Variants in FOXN3 observed in about 807,000 individuals in gnomAD.
The protein encoded by FOXN3 is forkhead box protein N3.
Under a neutral mutation model 38.4 loss-of-function variants are expected in FOXN3, and 7 were observed. The observed-to-expected ratio is 0.18, with a 90% CI of 0.10 to 0.34. The LOEUF (loss-of-function observed/expected upper bound fraction) is 0.34, where lower values mean the gene tolerates loss of function less well. Among genes scored for constraint, FOXN3 ranks in the 10% least tolerant of loss-of-function variants. The pLI is 1.00. For synonymous variants in FOXN3, 230 were observed against 242.2 expected, an observed-to-expected ratio of 0.95 and a Z score of 0.47; for missense variants, 456 against 613.4, an observed-to-expected ratio of 0.74 and a Z score of 2.71.
intron 1 of FOXN3, among the ~76,000 whole-genome samples, chr14:89,469,089 T>C (rs1009314210): frequency 4.6e-5 from 7 of 152,204 alleles, no homozygotes; most frequent in African/African-American, 1.7e-4. Context: ...TTTGAACCTC[T>C]TTTATTATGA....
chr14:89,460,284 C>T (rs1419221110), intron 1 of FOXN3, among the ~76,000 whole-genome samples: 1 of 152,102 alleles, frequency 6.6e-6, no homozygotes, highest in Non-Finnish European at 1.5e-5. Context: ...CAATTAAATG[C>T]GAACATTCCT....
chr14:89,253,158 A>G (rs1020682554), intron 4 of FOXN3, among the ~76,000 whole-genome samples: 10 of 152,180 alleles, frequency 6.6e-5, no homozygotes, highest in Non-Finnish European at 1.2e-4. Flanking sequence ...AGGGCTCATT[A>G]AGGCCTGATG....
intron 3 of FOXN3, among the ~76,000 whole-genome samples, chr14:89,287,695 C>T (rs976959714): frequency 1.3e-5 from 2 of 148,898 alleles, no homozygotes; most frequent in African/African-American, 5.0e-5. Context: ...AGTAGCAACA[C>T]TTACTAAATA....
At chr14:89,474,657 T>A (rs1893173505) in intron 1 of FOXN3, among the ~76,000 whole-genome samples, 1 of 152,164 alleles carries the variant, frequency 6.6e-6, no homozygotes, top group African/African-American at 2.4e-5. Context: ...AAATAGCAGC[T>A]TGTTGACATT....
chr14:89,230,733 C>T (rs559558263), intron 4 of FOXN3: 20 of 352,644 alleles, frequency 5.7e-5, no homozygotes, highest in East Asian at 1.5e-4. Flanking sequence ...ACACGACAGG[C>T]GCCACACACT....
chr14:89,346,033 CAG>C (rs1490105243), intron 3 of FOXN3, among the ~76,000 whole-genome samples: 2 of 152,210 alleles, frequency 1.3e-5, no homozygotes, highest in Admixed American at 6.5e-5. Flanking sequence ...AGCCTGGCGA[CAG>C]AGTGAGACCC....
Position 89,446,338 on chromosome 14 carries a change from G to A in FOXN3, c.-14-33848C>T, listed in dbSNP as rs538150252. On this transcript the variant is annotated intron_variant, in intron 1 of 6. Coordinates refer to the FOXN3 transcript ENST00000345097. ...CGAGTAGCTGGGATTACAGGCATGCGCCACCACGCTCGGCTAATTTTTGTG... is the reference window on the plus strand; with the variant it reads ...CGAGTAGCTGGGATTACAGGCATGCACCACCACGCTCGGCTAATTTTTGTG... 2.8e-4 allele frequency among the ~76,000 whole-genome samples: 43 copies of A among 151,440 alleles called. 1 individual carries two copies. In the East Asian group the frequency reaches 4.9e-3, roughly 17 times the overall value.
In FOXN3 at chr14:89,283,420, AT is replaced by A. The variant is rs372565729; in HGVS notation, c.681-2407del. Among the ~76,000 whole-genome samples, 803 of 152,166 alleles carry A rather than the reference AT, an allele frequency of 5.3e-3. 7 individuals carry two copies. Among genetic ancestry groups the A allele is most frequent in the South Asian group, 0.035 (169 of 4,818 alleles). ...GCAGGTTGGGAAGGCAACAAGCTTG[AT>A]TTTTTCCCCCCTCCATCTGGAGATG... On this transcript the variant is annotated intron_variant, in intron 3 of 5. Transcript: ENST00000557258.
At position 89,417,053 on chromosome 14, in the gene FOXN3, G is replaced by A. The variant is rs1891761224; in HGVS notation, c.-197C>T. ...CGCGGGCGCGGGCGGCAGGGGCGCG[G>A]GGGTCGCGGCGCGGCATGGGACCTG... On this transcript the variant is annotated 5_prime_UTR_variant, in exon 1 of 6. Coordinates refer to ENST00000557258, the MANE Select transcript of FOXN3 (RefSeq NM_005197.4). 5 of 144,954 alleles carry A rather than the reference G, an allele frequency of 3.4e-5. No homozygotes were observed. Among genetic ancestry groups the A allele is most frequent in the Non-Finnish European group, 6.1e-5 (4 of 65,322 alleles). The allele number at this position is 144,954 out of a possible 1,614,324, so 9.0% of individuals were successfully genotyped here.
intron 4 of FOXN3, among the ~76,000 whole-genome samples, chr14:89,206,521 C>T (rs377240981): frequency 5.9e-5 from 9 of 152,282 alleles, no homozygotes; most frequent in Admixed American, 2.0e-4. Context: ...GCGTGGACAG[C>T]GGAGGTTTCC....
intron 5 of FOXN3, among the ~76,000 whole-genome samples, chr14:89,168,861 G>A (rs1293101258): frequency 6.6e-6 from 1 of 152,162 alleles, no homozygotes; most frequent in African/African-American, 2.4e-5. Flanking sequence ...GATTTTTAAA[G>A]TAGTAGAAAG....
At chr14:89,587,473 G>T (rs529507281) in intron 1 of FOXN3, among the ~76,000 whole-genome samples, 1 of 152,302 alleles carries the variant, frequency 6.6e-6, no homozygotes, top group East Asian at 1.9e-4. Flanking sequence ...GATAAGGACT[G>T]GGGTCATCTA....
At chr14:89,345,056 C>T (rs1044112528) in intron 3 of FOXN3, among the ~76,000 whole-genome samples, 6 of 151,458 alleles carry the variant, frequency 4.0e-5, no homozygotes, top group African/African-American at 7.3e-5. Flanking sequence ...AGCAAGCTGG[C>T]GTGGCTCGGT....
At chr14:89,330,096 G>A (rs894912132) in intron 3 of FOXN3, among the ~76,000 whole-genome samples, 1 of 152,106 alleles carries the variant, frequency 6.6e-6, no homozygotes, top group Non-Finnish European at 1.5e-5. Context: ...TATTTTCACT[G>A]GTGGAGTTAG....
chr14:89,381,811 G>A (rs928879182), intron 2 of FOXN3, among the ~76,000 whole-genome samples: 1 of 148,814 alleles, frequency 6.7e-6, no homozygotes, highest in Non-Finnish European at 1.5e-5. Flanking sequence ...ACTGAGCTGT[G>A]ATCATGCCAC....
At chr14:89,605,226 T>C (rs901420890) in intron 1 of FOXN3, among the ~76,000 whole-genome samples, 15 of 151,850 alleles carry the variant, frequency 9.9e-5, no homozygotes, top group African/African-American at 3.4e-4. Flanking sequence ...GAAACCTAAA[T>C]TGGTAGAGCA....
intron 3 of FOXN3, among the ~76,000 whole-genome samples, chr14:89,315,050 A>C (rs1299359249): frequency 6.6e-6 from 1 of 151,978 alleles, no homozygotes; most frequent in African/African-American, 2.4e-5. Context: ...TCCTAAATGC[A>C]CTTGATAGAT....
intron 4 of FOXN3, among the ~76,000 whole-genome samples, chr14:89,255,114 C>T (rs1885576534): frequency 6.6e-6 from 1 of 152,212 alleles, no homozygotes; most frequent in African/African-American, 2.4e-5. Context: ...GAGCACAGGC[C>T]TCAGCATCAG....
chr14:89,482,539 A>T (rs958148940), intron 1 of FOXN3, among the ~76,000 whole-genome samples: 1 of 152,204 alleles, frequency 6.6e-6, no homozygotes, highest in Non-Finnish European at 1.5e-5. Flanking sequence ...CCTTGAGCCC[A>T]GGAGTTCAAG....
Sources: gnomAD v4.1 joint callset for allele counts (sites outside exome capture counted in the v4.1 genomes callset) on GRCh38, gnomAD v4.1.1 for gene constraint, MANE v1.5 for transcripts, NCBI Gene and HGNC (gene_info 2026-07-23, HGNC 2026-07-21) for gene names.